Variants in IFNG-AS1 observed in about 807,000 individuals in gnomAD.
IFNG-AS1 encodes IFNG antisense RNA 1 (non-protein coding).
At chr12:68,007,221 A>G (rs1388652386) in intron 3 of IFNG-AS1, among the ~76,000 whole-genome samples, 2 of 152,148 alleles carry the variant, frequency 1.3e-5, no homozygotes, top group African/African-American at 4.8e-5. Flanking sequence ...GACTCCATTC[A>G]TAGGATTATT....
chr12:67,994,845 A>G (rs185514428), intron 1 of IFNG-AS1, among the ~76,000 whole-genome samples: 179 of 152,322 alleles, frequency 1.2e-3, no homozygotes, highest in African/African-American at 4.2e-3. Context: ...CTGAATTCCA[A>G]TCTCAGTTCA....
intron 1 of IFNG-AS1, among the ~76,000 whole-genome samples, chr12:67,991,279 C>G (rs1215378839): frequency 6.6e-6 from 1 of 152,168 alleles, no homozygotes; most frequent in Non-Finnish European, 1.5e-5. Flanking sequence ...AAAGACGGCA[C>G]ATGCTAAGTG....
chr12:68,008,142 C>T (rs1879946101), intron 3 of IFNG-AS1, among the ~76,000 whole-genome samples: 1 of 152,122 alleles, frequency 6.6e-6, no homozygotes, highest in African/African-American at 2.4e-5. Flanking sequence ...TACAGCCAGG[C>T]GCAGTGGCTC....
chr12:68,018,199 T>C (rs2120484065), intron 3 of IFNG-AS1, among the ~76,000 whole-genome samples: 1 of 152,132 alleles, frequency 6.6e-6, no homozygotes, highest in Non-Finnish European at 1.5e-5. Context: ...TGGGTTAGAG[T>C]TATTTATTTA....
At chr12:68,009,834 G>C (rs770984555) in intron 3 of IFNG-AS1, among the ~76,000 whole-genome samples, 1 of 152,140 alleles carries the variant, frequency 6.6e-6, no homozygotes, top group Non-Finnish European at 1.5e-5. Flanking sequence ...CAGGGAAGCA[G>C]TACTCACTGT....
intron 2 of IFNG-AS1, among the ~76,000 whole-genome samples, chr12:68,004,985 T>C (rs975550590): frequency 2.0e-5 from 3 of 152,224 alleles, no homozygotes; most frequent in African/African-American, 7.2e-5. Flanking sequence ...TTATATCCTC[T>C]ACATATCCTC....
intron 2 of IFNG-AS1, among the ~76,000 whole-genome samples, chr12:68,002,356 G>A (rs187647449): frequency 3.9e-5 from 6 of 152,236 alleles, no homozygotes; most frequent in South Asian, 2.1e-4. Context: ...TTGTGTCAAT[G>A]GACTCTCCCC....
At chr12:67,993,567 C>T (rs939689728) in intron 1 of IFNG-AS1, among the ~76,000 whole-genome samples, 1 of 152,140 alleles carries the variant, frequency 6.6e-6, no homozygotes, top group Admixed American at 6.5e-5. Flanking sequence ...TACCAAAATG[C>T]TAACAATGAA....
chr12:68,014,741 G>A (rs1399496883), intron 3 of IFNG-AS1, among the ~76,000 whole-genome samples: 1 of 151,868 alleles, frequency 6.6e-6, no homozygotes, highest in East Asian at 1.9e-4. Context: ...AACTGGCCAA[G>A]CCTCCACAAT....
intron 2 of IFNG-AS1, among the ~76,000 whole-genome samples, chr12:67,999,996 G>A (rs1401759073): frequency 6.6e-6 from 1 of 152,144 alleles, no homozygotes; most frequent in Non-Finnish European, 1.5e-5. Flanking sequence ...ATATGTATAA[G>A]CTGAATTTAA....
chr12:68,008,260 C>T (rs1879949750), intron 3 of IFNG-AS1, among the ~76,000 whole-genome samples: 2 of 151,832 alleles, frequency 1.3e-5, no homozygotes, highest in African/African-American at 2.4e-5. Flanking sequence ...ACTAAAAATG[C>T]AAAAAATTAA....
At chr12:67,993,781 A>G (rs1451727717) in intron 1 of IFNG-AS1, among the ~76,000 whole-genome samples, 2 of 152,220 alleles carry the variant, frequency 1.3e-5, no homozygotes, top group Non-Finnish European at 2.9e-5. Flanking sequence ...AATTTAATAT[A>G]TTCAGTTACT....
chr12:67,991,066 C>T (rs552205446), intron 1 of IFNG-AS1, among the ~76,000 whole-genome samples: 8 of 152,246 alleles, frequency 5.3e-5, no homozygotes, highest in South Asian at 2.1e-4. Context: ...GACATCCTCT[C>T]GGGACACACA....
chr12:68,006,101 G>A (rs1241327323), exon 3 of IFNG-AS1: 1 of 152,192 alleles, frequency 6.6e-6, no homozygotes, highest in Non-Finnish European at 1.5e-5. Context: ...GTAAAACGCT[G>A]GAGGAGAAGT....
At chr12:68,015,152 T>C (rs762210966) in intron 3 of IFNG-AS1, among the ~76,000 whole-genome samples, 3 of 152,124 alleles carry the variant, frequency 2.0e-5, no homozygotes, top group African/African-American at 4.8e-5. Flanking sequence ...TAAGACCTCA[T>C]ACTGAGGTCT....
At chr12:67,995,739 A>G (rs1053941135) in intron 1 of IFNG-AS1, among the ~76,000 whole-genome samples, 7 of 150,972 alleles carry the variant, frequency 4.6e-5, no homozygotes, top group African/African-American at 7.3e-5. Context: ...AAAAAAAAAG[A>G]AAAGAAAAGA....
chr12:68,010,295 G>T (rs1013584701), intron 3 of IFNG-AS1, among the ~76,000 whole-genome samples: 3 of 152,174 alleles, frequency 2.0e-5, no homozygotes, highest in Non-Finnish European at 4.4e-5. Context: ...TTTCAAAGCT[G>T]AGTAATGTAT....
At chr12:68,012,536 C>A (rs1880056223) in intron 3 of IFNG-AS1, among the ~76,000 whole-genome samples, 1 of 152,230 alleles carries the variant, frequency 6.6e-6, no homozygotes, top group South Asian at 2.1e-4. Context: ...CACGTGCAAC[C>A]AGCTTCCTTC....
At chr12:67,994,044 C>A (rs1328491126) in intron 1 of IFNG-AS1, among the ~76,000 whole-genome samples, 1 of 152,174 alleles carries the variant, frequency 6.6e-6, no homozygotes. Flanking sequence ...CCCCCCAAAA[C>A]CCCACTCATT....
Sources: allele counts gnomAD v4.1 joint callset (sites outside exome capture counted in the v4.1 genomes callset), GRCh38; gene constraint gnomAD v4.1.1; transcripts MANE v1.5; gene names NCBI Gene and HGNC (gene_info 2026-07-23, HGNC 2026-07-21).